Variants in RBFOX1 observed in about 807,000 individuals in gnomAD.
The protein encoded by RBFOX1 is RNA binding protein fox-1 homolog 1.
In RBFOX1, 8 loss-of-function variants were observed where a neutral mutation model predicts 57.7. The observed-to-expected ratio is 0.14, with a 90% CI of 0.08 to 0.25. The LOEUF is 0.25. Ranked by LOEUF, RBFOX1 falls within the 10% of genes least tolerant of loss-of-function variation. RBFOX1 has a pLI of 1.00. For synonymous variants in RBFOX1, 326 were observed against 222.4 expected, an observed-to-expected ratio of 1.47 and a Z score of -4.15; for missense variants, 611 against 548.5, an observed-to-expected ratio of 1.11 and a Z score of -1.14.
At chr16:6,185,508 C>G (rs1422294879) in intron 1 of RBFOX1, among the ~76,000 whole-genome samples, 2 of 152,206 alleles carry the variant, frequency 1.3e-5, no homozygotes, top group Non-Finnish European at 2.9e-5. Context: ...CTTTCCTTTC[C>G]TATCCCCAGC....
At chr16:6,949,541 T>A (rs1383500410) in intron 3 of RBFOX1, among the ~76,000 whole-genome samples, 2 of 151,920 alleles carry the variant, frequency 1.3e-5, no homozygotes, top group Non-Finnish European at 1.5e-5. Context: ...TCTCCCTGGT[T>A]TACTGATGAC....
chr16:6,758,029 T>G (rs11864873), intron 3 of RBFOX1, among the ~76,000 whole-genome samples: 14,462 of 152,202 alleles, frequency 0.095, 838 homozygotes, highest in African/African-American at 0.15. Flanking sequence ...CTGTCACACT[T>G]TTAAGAAGTC....
At chr16:5,388,691 C>G (rs1265179830) in intron 1 of RBFOX1, among the ~76,000 whole-genome samples, 1 of 151,970 alleles carries the variant, frequency 6.6e-6, no homozygotes. Context: ...ATTTTCCTGT[C>G]AGCCTTCTGA....
intron 3 of RBFOX1, among the ~76,000 whole-genome samples, chr16:7,005,654 C>T (rs1343994603): frequency 2.0e-5 from 3 of 152,278 alleles, no homozygotes; most frequent in East Asian, 1.9e-4. Flanking sequence ...CTGTTGAACA[C>T]AAACAATTTC....
intron 4 of RBFOX1, among the ~76,000 whole-genome samples, chr16:7,096,026 A>AG (rs1555467712): frequency 6.7e-6 from 1 of 150,048 alleles, no homozygotes. Flanking sequence ...AAAAAAAAAA[A>AG]AAAGAAAAGA....
At chr16:6,948,747 C>G (rs542643619) in intron 3 of RBFOX1, among the ~76,000 whole-genome samples, 2 of 152,130 alleles carry the variant, frequency 1.3e-5, no homozygotes, top group South Asian at 2.1e-4. Flanking sequence ...GTTCACTACT[C>G]CATTCAACAA....
chr16:6,886,241 T>C (rs2063999292), intron 3 of RBFOX1, among the ~76,000 whole-genome samples: 1 of 151,798 alleles, frequency 6.6e-6, no homozygotes, highest in Non-Finnish European at 1.5e-5. Flanking sequence ...TTTGTATTTT[T>C]AGTAGAGACG....
chr16:6,935,880 C>T (rs1026176264), intron 3 of RBFOX1, among the ~76,000 whole-genome samples: 2 of 152,154 alleles, frequency 1.3e-5, no homozygotes, highest in African/African-American at 2.4e-5. Context: ...GGGATGCTAG[C>T]CTGCACATCG....
At chr16:6,835,171 G>C (rs2092999483) in intron 3 of RBFOX1, among the ~76,000 whole-genome samples, 1 of 152,066 alleles carries the variant, frequency 6.6e-6, no homozygotes, top group African/African-American at 2.4e-5. Context: ...ACAGTGTTGG[G>C]ATCACAGGCG....
intron 4 of RBFOX1, among the ~76,000 whole-genome samples, chr16:7,114,738 G>T (rs1030040406): frequency 6.6e-6 from 1 of 152,160 alleles, no homozygotes; most frequent in Non-Finnish European, 1.5e-5. Flanking sequence ...GTCCTGCTAG[G>T]TGCATGGAAA....
intron 3 of RBFOX1, among the ~76,000 whole-genome samples, chr16:5,694,660 A>T (rs571686734): frequency 1.3e-5 from 2 of 151,940 alleles, no homozygotes; most frequent in African/African-American, 2.4e-5. Context: ...TGCTCAGTCA[A>T]TTGTTTCAAA....
chr16:5,926,690 G>A (rs972280411), intron 4 of RBFOX1, among the ~76,000 whole-genome samples: 4 of 152,162 alleles, frequency 2.6e-5, no homozygotes, highest in Non-Finnish European at 5.9e-5. Flanking sequence ...TGAAGACTTG[G>A]GGTCTGCAAA....
intron 4 of RBFOX1, among the ~76,000 whole-genome samples, chr16:7,455,590 G>A (rs1254563591): frequency 3.3e-5 from 5 of 151,608 alleles, no homozygotes; most frequent in East Asian, 1.9e-4. Flanking sequence ...TCAAGAGTTC[G>A]AGACCAGCCT....
chr16:6,033,524 A>G (rs2095320258), intron 1 of RBFOX1, among the ~76,000 whole-genome samples: 1 of 152,250 alleles, frequency 6.6e-6, no homozygotes, highest in Admixed American at 6.5e-5. Flanking sequence ...TATGAAATGC[A>G]TAGTTCCACT....
At chr16:6,513,406 G>C (rs937312774) in intron 2 of RBFOX1, among the ~76,000 whole-genome samples, 2 of 152,088 alleles carry the variant, frequency 1.3e-5, no homozygotes, top group Non-Finnish European at 2.9e-5. Flanking sequence ...GGGGAAGAGA[G>C]AGCACATTGG....
intron 3 of RBFOX1, among the ~76,000 whole-genome samples, chr16:6,850,184 G>T (rs8060002): frequency 0.021 from 3,157 of 152,198 alleles, 59 homozygotes; most frequent in Non-Finnish European, 0.034. Context: ...CCTTCATTCA[G>T]TGAATTCAGT....
chr16:6,962,444 A>G (rs997318338), intron 3 of RBFOX1, among the ~76,000 whole-genome samples: 2 of 152,284 alleles, frequency 1.3e-5, no homozygotes, highest in African/African-American at 2.4e-5. Flanking sequence ...TCTGTTACAT[A>G]TATGACATTT....
At chr16:5,933,152 C>G (rs895488467) in intron 4 of RBFOX1, among the ~76,000 whole-genome samples, 4 of 152,156 alleles carry the variant, frequency 2.6e-5, no homozygotes, top group Admixed American at 2.0e-4. Context: ...ATAGCTGGAG[C>G]TGATAGAAAT....
At chr16:6,837,211 C>A (rs942965418) in intron 3 of RBFOX1, among the ~76,000 whole-genome samples, 6 of 152,220 alleles carry the variant, frequency 3.9e-5, no homozygotes, top group African/African-American at 1.2e-4. Flanking sequence ...AGGTAACATA[C>A]AAACTGTGGA....
Sources: allele counts gnomAD v4.1 joint callset (sites outside exome capture counted in the v4.1 genomes callset), GRCh38; gene constraint gnomAD v4.1.1; transcripts MANE v1.5; gene names NCBI Gene and HGNC (gene_info 2026-07-23, HGNC 2026-07-21).